The following RBM19 variants were observed in gnomAD, a reference collection of about 807,000 sequenced individuals.
The protein encoded by RBM19 is RNA binding motif protein 19.
In RBM19, 94 loss-of-function variants were observed where a neutral mutation model predicts 116.8. That is an observed-to-expected ratio of 0.80 (90% CI 0.68 to 0.95). The LOEUF (loss-of-function observed/expected upper bound fraction) is 0.95. Among genes scored for constraint, RBM19 ranks in the 40% least tolerant of loss-of-function variants. The probability of loss-of-function intolerance (pLI) is 0.00; values close to 1 mark genes in which losing one functional copy is unlikely to be tolerated. For synonymous variants in RBM19, 475 were observed against 494.1 expected (o/e 0.96, Z 0.51); for missense variants, 1,161 against 1,220.7 (o/e 0.95, Z 0.73).
chr12:113,834,308 G>A (rs895151831), intron 23 of RBM19, among the ~76,000 whole-genome samples: 3 of 152,170 alleles, frequency 2.0e-5, no homozygotes, highest in African/African-American at 7.2e-5. Context: ...AGGGAAGCTG[G>A]AGATCTAAGC....
At chr12:113,958,728 T>C (rs1276965079) in intron 5 of RBM19, among the ~76,000 whole-genome samples, 2 of 152,294 alleles carry the variant, frequency 1.3e-5, no homozygotes, top group East Asian at 3.9e-4. Flanking sequence ...AACTGTTTTC[T>C]TGCCCACCAG....
At chr12:113,964,538 C>T (rs1166094446) in intron 1 of RBM19, among the ~76,000 whole-genome samples, 3 of 152,238 alleles carry the variant, frequency 2.0e-5, no homozygotes, top group Middle Eastern at 3.4e-3. Context: ...AAATCCTCAT[C>T]GCACAAAGCA....
At chr12:113,879,431 T>TTTTATATATA (rs1555234780) in intron 21 of RBM19, among the ~76,000 whole-genome samples, 2 of 132,630 alleles carry the variant, frequency 1.5e-5, no homozygotes, top group Non-Finnish European at 3.2e-5. Context: ...TACATACATT[T>TTTTATATATA]TATATATATA....
intron 22 of RBM19, among the ~76,000 whole-genome samples, chr12:113,845,587 C>T (rs772004859): frequency 2.5e-4 from 38 of 151,868 alleles, no homozygotes; most frequent in Non-Finnish European, 4.1e-4. Flanking sequence ...CCAAAGGAAA[C>T]CCCACACCCC....
At chr12:113,820,306 CA>C (rs113029187), downstream of RBM19, among the ~76,000 whole-genome samples, 32 of 150,622 alleles carry the variant, frequency 2.1e-4, no homozygotes, top group African/African-American at 7.6e-4. Context: ...GGGCTGCATT[CA>C]AAGCCCAAGC....
At position 113,909,872 on chromosome 12, in the gene RBM19, G is replaced by A. The variant is rs572222769; in HGVS notation, c.2558+5097C>T. Among the ~76,000 whole-genome samples, 342 of 152,308 alleles carry A rather than the reference G, an allele frequency of 2.2e-3. 2 individuals carry two copies. Among genetic ancestry groups the A allele is most frequent in the Non-Finnish European group, 3.9e-3 (267 of 68,034 alleles). Reference sequence around the variant, plus strand: ...GAGCTTTTCATGAGCCCGGCACTACGCTAGGCGTCTCACATACTTGACTCA... The same window carrying A: ...GAGCTTTTCATGAGCCCGGCACTACACTAGGCGTCTCACATACTTGACTCA... On this transcript the variant is annotated intron_variant, in intron 21 of 23. Coordinates refer to ENST00000261741, the MANE Select transcript of RBM19 (RefSeq NM_016196.4).
intron 17 of RBM19, 149 bp from the exon 18 acceptor site, chr12:113,924,906 G>A: frequency 1.5e-6 from 1 of 677,958 alleles, no homozygotes; most frequent in Non-Finnish European, 2.7e-6. Flanking sequence ...CCTCCTTTAA[G>A]TAACCTGGGC....
rs757302818 is a variant in RBM19 at position 113,942,450 on chromosome 12, G to T, written c.1627-16C>A. On this transcript the variant is annotated splice_polypyrimidine_tract_variant and intron_variant, in intron 13 of 23. Coordinates refer to ENST00000261741, the MANE Select transcript of RBM19 (RefSeq NM_016196.4). Reference sequence around the variant, plus strand: ...CCTTGGTCTCCTGTGGAAGAGGAAAGGAAGAGTTCTGGTTGGCTGTCGGCC... The same window carrying T: ...CCTTGGTCTCCTGTGGAAGAGGAAATGAAGAGTTCTGGTTGGCTGTCGGCC... 4 of 1,593,326 alleles carry T rather than the reference G, an allele frequency of 2.5e-6. No homozygotes were observed. The highest frequency in any genetic ancestry group is 1.3e-5 in the African/African-American group (1 of 74,518).
At chr12:113,853,019 C>T (rs115642816) in intron 22 of RBM19, among the ~76,000 whole-genome samples, 147 of 152,370 alleles carry the variant, frequency 9.6e-4, no homozygotes, top group African/African-American at 3.3e-3. Flanking sequence ...CCGGCTCGCT[C>T]ATCATTGGTC....
intron 21 of RBM19, among the ~76,000 whole-genome samples, chr12:113,873,937 C>A (rs965125591): frequency 7.2e-5 from 11 of 152,174 alleles, no homozygotes; most frequent in African/African-American, 2.4e-4. Flanking sequence ...CTCGCCATCA[C>A]CCTGGAGACC....
Position 113,825,359 on chromosome 12 carries a change from C to A in RBM19, c.2786-2038G>T, listed in dbSNP as rs543505659. ...GGTGGGCTGGGGTGGTGGGGGCTGG[C>A]GGCCCGGGGCTCGGACTCCGGCTTC... On this transcript the variant is annotated intron_variant, in intron 23 of 23. Transcript: ENST00000261741. The surrounding 1 kb of genome is among the most constrained non-coding windows in gnomAD (Gnocchi z 5.7). Among the ~76,000 whole-genome samples, 2 of 152,082 alleles carry A rather than the reference C, an allele frequency of 1.3e-5. No individual in the cohort carries two copies. The highest frequency in any genetic ancestry group is 4.1e-4 in the South Asian group (2 of 4,820).
chr12:113,821,859 C>T (rs1874437926), downstream of RBM19, among the ~76,000 whole-genome samples: 1 of 152,196 alleles, frequency 6.6e-6, no homozygotes, highest in Admixed American at 6.5e-5. Flanking sequence ...GGACACGAGG[C>T]GCATGCTTGG....
At chr12:113,862,701 G>T (rs1382001297) in intron 21 of RBM19, among the ~76,000 whole-genome samples, 1 of 152,108 alleles carries the variant, frequency 6.6e-6, no homozygotes, top group Admixed American at 6.5e-5. Flanking sequence ...GGGCACCCAG[G>T]AACTCCTCCC....
intron 21 of RBM19, among the ~76,000 whole-genome samples, chr12:113,866,006 T>C (rs570752443): frequency 2.0e-5 from 3 of 152,306 alleles, no homozygotes; most frequent in African/African-American, 7.2e-5. Context: ...TGCCCTGCAC[T>C]GAGATGTTTT....
intron 19 of RBM19, among the ~76,000 whole-genome samples, chr12:113,920,044 C>T (rs1462466817): frequency 2.0e-5 from 3 of 152,200 alleles, no homozygotes; most frequent in Non-Finnish European, 4.4e-5. Context: ...ACAGTGGCCT[C>T]TTAGCTTTTC....
intron 21 of RBM19, among the ~76,000 whole-genome samples, chr12:113,912,396 C>T (rs546642137): frequency 1.3e-5 from 2 of 152,314 alleles, no homozygotes; most frequent in East Asian, 1.9e-4. Flanking sequence ...GTCATTTGGT[C>T]CCACTGGAAT....
intron 16 of RBM19, among the ~76,000 whole-genome samples, chr12:113,932,206 T>C (rs1467436651): frequency 2.0e-5 from 3 of 152,210 alleles, no homozygotes; most frequent in Non-Finnish European, 4.4e-5. Context: ...GCAAACTCTC[T>C]GTGCTTCCTT....
intron 16 of RBM19, among the ~76,000 whole-genome samples, chr12:113,931,206 C>T (rs1372861578): frequency 6.6e-6 from 1 of 152,118 alleles, no homozygotes; most frequent in Non-Finnish European, 1.5e-5. Flanking sequence ...TGTTTCAAAA[C>T]CCAGCAAAGT....
At chr12:113,922,708 T>C (rs1231377719) in intron 18 of RBM19, among the ~76,000 whole-genome samples, 1 of 152,030 alleles carries the variant, frequency 6.6e-6, no homozygotes, top group Non-Finnish European at 1.5e-5. Context: ...AAACTATATC[T>C]GAAGACCCTG....
Sources: gnomAD v4.1 joint callset for allele counts (sites outside exome capture counted in the v4.1 genomes callset) on GRCh38, gnomAD v4.1.1 for gene constraint, Gnocchi (gnomAD v3.1) non-coding constraint, MANE v1.5 for transcripts, NCBI Gene and HGNC (gene_info 2026-07-23, HGNC 2026-07-21) for gene names.